The following ALG9 variants were observed in gnomAD, a reference collection of about 807,000 sequenced individuals.
The protein encoded by ALG9 is ALG9 alpha-1,2-mannosyltransferase, also known as alpha-1,2-mannosyltransferase ALG9.
A neutral mutation model predicts 81.8 loss-of-function variants in ALG9; 55 were observed. That is an observed-to-expected ratio of 0.67 (90% CI 0.54 to 0.84). ALG9 has a LOEUF of 0.84. ALG9 is among the 40% of genes least tolerant of loss of function. ALG9 has a pLI of 0.00. For missense variants in ALG9, 629 were observed against 745.0 expected (o/e 0.84, Z 1.81); for synonymous variants, 278 against 274.3 (o/e 1.01, Z -0.13).
chr11:111,773,021 G>A, the ALG9 span, among the ~76,000 whole-genome samples: 34 of 152,016 alleles, frequency 2.2e-4, no homozygotes, highest in African/African-American at 7.7e-4. Context: ...GGCGGATCAC[G>A]AGGTCAGGAG....
chr11:111,865,356 A>G (rs1023166629), intron 3 of ALG9, 105 bp from the exon 4 acceptor site: 13 of 879,990 alleles, frequency 1.5e-5, no homozygotes, highest in Non-Finnish European at 1.9e-5. Context: ...GTAAATTGGT[A>G]TAATTCTTTT....
intron 9 of ALG9, among the ~76,000 whole-genome samples, chr11:111,841,106 G>C (rs1956149695): frequency 6.6e-6 from 1 of 152,150 alleles, no homozygotes; most frequent in South Asian, 2.1e-4. Context: ...TTCTACGTTA[G>C]ATGAAGGAAA....
chr11:111,786,774 T>C (rs1946532769), intron 14 of ALG9, among the ~76,000 whole-genome samples: 1 of 152,204 alleles, frequency 6.6e-6, no homozygotes, highest in South Asian at 2.1e-4. Context: ...CTCTAGGTCT[T>C]CATTTTGCAT....
At chr11:111,830,692 C>T (rs1954198808) in intron 13 of ALG9, among the ~76,000 whole-genome samples, 1 of 151,822 alleles carries the variant, frequency 6.6e-6, no homozygotes, top group African/African-American at 2.4e-5. Flanking sequence ...GTTATTTTTT[C>T]CTCCAATAAG....
At chr11:111,864,936 A>C (rs1173607138) in intron 4 of ALG9, among the ~76,000 whole-genome samples, 1 of 151,992 alleles carries the variant, frequency 6.6e-6, no homozygotes, top group Non-Finnish European at 1.5e-5. Flanking sequence ...CACCACCACA[A>C]CCGGCTAATT....
chr11:111,781,174 CA>C (rs1945915502), downstream of ALG9, among the ~76,000 whole-genome samples: 1 of 152,142 alleles, frequency 6.6e-6, no homozygotes. Flanking sequence ...AGAAATAAAT[CA>C]AACCAAGTTA....
downstream of ALG9, among the ~76,000 whole-genome samples, chr11:111,777,663 T>C (rs1361319577): frequency 6.6e-6 from 1 of 151,206 alleles, no homozygotes; most frequent in African/African-American, 2.4e-5. Context: ...AAAAAAAAAA[T>C]GCAAGGAAAG....
intron 1 of ALG9, 180 bp downstream of exon 1, chr11:111,871,172 C>A (rs970224953): frequency 3.9e-6 from 5 of 1,294,966 alleles, no homozygotes; most frequent in Admixed American, 8.5e-5. Flanking sequence ...CTAAGGTGGG[C>A]GAAGACTGAA....
intron 14 of ALG9, among the ~76,000 whole-genome samples, chr11:111,794,743 G>C (rs1162764014): frequency 2.0e-5 from 3 of 152,132 alleles, no homozygotes; most frequent in Non-Finnish European, 4.4e-5. Flanking sequence ...CCCACTGCCA[G>C]TTATCTTTCC....
intron 13 of ALG9, among the ~76,000 whole-genome samples, chr11:111,833,156 C>A (rs1354800180): frequency 1.1e-4 from 16 of 152,130 alleles, no homozygotes; most frequent in Non-Finnish European, 1.0e-4. Context: ...AGGTTTCATC[C>A]ATTGACTAGG....
At chr11:111,773,975 T>A in the ALG9 span, among the ~76,000 whole-genome samples, 32 of 148,570 alleles carry the variant, frequency 2.2e-4, no homozygotes, top group Admixed American at 2.7e-4. Flanking sequence ...CAGGCTGGTC[T>A]TAAACTCCTG....
intron 4 of ALG9, chr11:111,864,508 GA>G: frequency 1.5e-6 from 1 of 681,160 alleles, no homozygotes; most frequent in Non-Finnish European, 2.7e-6. Context: ...TGATCCAGTG[GA>G]TATTCAAAAG....
At chr11:111,807,727 G>C (rs1480150518) in intron 14 of ALG9, among the ~76,000 whole-genome samples, 1 of 152,118 alleles carries the variant, frequency 6.6e-6, no homozygotes, top group Non-Finnish European at 1.5e-5. Flanking sequence ...TGTAATCCTA[G>C]CACTTTGGGG....
rs782537281 is a variant in ALG9, at chr11:111,786,409, T to C, written c.1845A>G (p.Lys615=). ...KPRKAKQIRK[K]SGG is the part of the protein sequence containing the mutation. ...CACAGGTGTGTTGCTAACCTCCACT[T>C]TTCTTCCTGATTTGCTTTGCTTTCC... Residue 615 remains lysine (K), a synonymous_variant, in exon 15 of 15, where the codon AAA becomes AAG. Coordinates refer to ENST00000616540, the MANE Select transcript of ALG9 (RefSeq NM_024740.2). The C allele has an allele frequency of 1.2e-6, 2 of 1,614,068 alleles. No individual in the cohort carries two copies. The highest frequency in any genetic ancestry group is 4.5e-5 in the East Asian group (2 of 44,876).
At chr11:111,870,101 T>G in intron 2 of ALG9, 131 bp downstream of exon 2, 1 of 1,137,830 alleles carries the variant, frequency 8.8e-7, no homozygotes, top group Non-Finnish European at 1.2e-6. Flanking sequence ...CCTGTTTTTT[T>G]GTTTTTTTTT....
At chr11:111,827,618 G>C (rs1953572925) in intron 13 of ALG9, among the ~76,000 whole-genome samples, 1 of 152,170 alleles carries the variant, frequency 6.6e-6, no homozygotes, top group South Asian at 2.1e-4. Context: ...TATAATCCCA[G>C]CACTTTGGGA....
At chr11:111,839,260 A>G (rs1295411012) in intron 10 of ALG9, among the ~76,000 whole-genome samples, 1 of 152,188 alleles carries the variant, frequency 6.6e-6, no homozygotes, top group African/African-American at 2.4e-5. Flanking sequence ...TAAAATGATA[A>G]GCACAGAGAA....
chr11:111,816,957 G>A (rs531150916), intron 13 of ALG9, among the ~76,000 whole-genome samples: 6 of 152,312 alleles, frequency 3.9e-5, no homozygotes, highest in South Asian at 2.1e-4. Context: ...CAGAGAGGAT[G>A]AGATCACTGG....
At chr11:111,802,423 C>G (rs1365919681) in intron 14 of ALG9, among the ~76,000 whole-genome samples, 3 of 152,124 alleles carry the variant, frequency 2.0e-5, no homozygotes, top group Non-Finnish European at 2.9e-5. Flanking sequence ...GTGAAAGAAG[C>G]CAGACACTAA....
Sources: allele counts gnomAD v4.1 joint callset (sites outside exome capture counted in the v4.1 genomes callset), GRCh38; gene constraint gnomAD v4.1.1; transcripts MANE v1.5; gene names NCBI Gene and HGNC (gene_info 2026-07-23, HGNC 2026-07-21).